LRP6: variants seen among roughly 807,000 people sequenced by gnomAD.
The protein encoded by LRP6 is LDL receptor related protein 6.
Under a neutral mutation model 184.1 loss-of-function variants are expected in LRP6, and 43 were observed. The observed-to-expected ratio is 0.23, with a 90% CI of 0.18 to 0.30. The LOEUF is 0.30. LRP6 is among the 10% of genes least tolerant of loss of function. The probability of loss-of-function intolerance (pLI) is 1.00; values close to 1 mark genes in which losing one functional copy is unlikely to be tolerated. For synonymous variants in LRP6, 719 were observed against 684.9 expected, an observed-to-expected ratio of 1.05 and a Z score of -0.78; for missense variants, 1,571 against 2,005.3, an observed-to-expected ratio of 0.78 and a Z score of 4.14.
intron 3 of LRP6, among the ~76,000 whole-genome samples, chr12:12,195,163 T>C (rs1370499183): frequency 2.0e-5 from 3 of 152,090 alleles, no homozygotes; most frequent in Admixed American, 1.3e-4. Context: ...GCAACAAACA[T>C]AGGGGTGCAG....
Position 12,228,798 on chromosome 12 carries a change from G to C in LRP6, c.449+15464C>G, listed in dbSNP as rs966183387. ...ACCCCGCTACTGCCCAGTGCCTGTGGAAAAACTGTCTTCCACAGAACCAGT... is the reference window on the plus strand; with the variant it reads ...ACCCCGCTACTGCCCAGTGCCTGTGCAAAAACTGTCTTCCACAGAACCAGT... On this transcript the variant is annotated intron_variant, in intron 2 of 22. Coordinates refer to ENST00000261349, the MANE Select transcript of LRP6 (RefSeq NM_002336.3). Among the ~76,000 whole-genome samples, 3 of 152,170 alleles carry C rather than the reference G, an allele frequency of 2.0e-5. 1 individual carries two copies. Among genetic ancestry groups the C allele is most frequent in the Non-Finnish European group, 2.9e-5 (2 of 68,036 alleles).
At chr12:12,183,934 A>C (rs748532521) in intron 5 of LRP6, 46 bp downstream of exon 5, 33 of 1,564,664 alleles carry the variant, frequency 2.1e-5, no homozygotes, top group Non-Finnish European at 2.8e-5. Flanking sequence ...ATCATGAAGA[A>C]TTCCAATAGT....
chr12:12,209,741 G>A (rs1160355027), intron 2 of LRP6, among the ~76,000 whole-genome samples: 2 of 152,110 alleles, frequency 1.3e-5, no homozygotes, highest in African/African-American at 2.4e-5. Context: ...ACCTATTAAA[G>A]CGGTGAGCAC....
chr12:12,143,007 A>C (rs1040467168), intron 15 of LRP6, among the ~76,000 whole-genome samples: 2 of 152,204 alleles, frequency 1.3e-5, no homozygotes, highest in Non-Finnish European at 2.9e-5. Flanking sequence ...TTATTTGAAG[A>C]AACATGATTC....
In LRP6 at chr12:12,194,043, G is replaced by A. The variant is rs74559068; in HGVS notation, c.648-6924C>T. ...GAAATGCAAGATCGGTTTAACAACT[G>A]AAAACCAATTACTGAAATTCACCAT... On this transcript the variant is annotated intron_variant, in intron 3 of 22. Transcript: ENST00000261349. 9.9e-4 allele frequency among the ~76,000 whole-genome samples: 151 copies of A among 151,990 alleles called. 1 individual carries two copies. The East Asian group carries it at 0.026, about 26-fold the overall frequency.
intron 15 of LRP6, among the ~76,000 whole-genome samples, chr12:12,146,538 A>T (rs997547899): frequency 6.6e-6 from 1 of 152,256 alleles, no homozygotes; most frequent in Non-Finnish European, 1.5e-5. Context: ...TGAAAGTAAA[A>T]GTATATCTTA....
chr12:12,131,397 C>T (rs1348260142), intron 18 of LRP6, among the ~76,000 whole-genome samples: 1 of 152,124 alleles, frequency 6.6e-6, no homozygotes, highest in Admixed American at 6.5e-5. Flanking sequence ...CGTGAGCCAC[C>T]ACGCCCGGCT....
intron 15 of LRP6, 111 bp downstream of exon 15, chr12:12,147,255 T>C: frequency 3.3e-6 from 4 of 1,197,632 alleles, no homozygotes; most frequent in Admixed American, 3.9e-5. Context: ...CTACATTTAA[T>C]GAATAAAACT....
intron 9 of LRP6, among the ~76,000 whole-genome samples, chr12:12,163,594 C>T (rs1862794863): frequency 6.6e-6 from 1 of 152,168 alleles, no homozygotes; most frequent in Admixed American, 6.5e-5. Context: ...CCTTTTCCGC[C>T]TCAGTCAGGC....
chr12:12,134,794 GAA>G (rs1949809797), intron 17 of LRP6, among the ~76,000 whole-genome samples: 3 of 152,210 alleles, frequency 2.0e-5, no homozygotes, highest in Admixed American at 2.0e-4. Context: ...TTCACAGGCT[GAA>G]AAGTGTGGTA....
In LRP6 at chr12:12,181,076, T is replaced by A; in HGVS notation, c.1340A>T (p.Glu447Val). 6.2e-7 allele frequency: 1 copy of A among 1,614,094 alleles called. No homozygotes were observed. Among genetic ancestry groups the A allele is most frequent in the Non-Finnish European group, 8.5e-7 (1 of 1,179,986 alleles). Residue 447 changes from glutamate (E) to valine (V), a missense_variant, in exon 6 of 23, where the codon GAA (glutamate) becomes GTA (valine). Physicochemically the swap from Glu to Val is moderately radical, Grantham distance 121. Coordinates refer to ENST00000261349, the MANE Select transcript of LRP6 (RefSeq NM_002336.3). ...RKILISEDLE[E>V]PRAIVLDPMV... ...GGGATCTAACACAATAGCCCGGGGTTCCTCTAAGTCCTCTGAAATCAAGAT... is the reference window on the plus strand; with the variant it reads ...GGGATCTAACACAATAGCCCGGGGTACCTCTAAGTCCTCTGAAATCAAGAT...
Position 12,266,950 on chromosome 12 carries a change from G to C in LRP6, c.-215C>G, listed in dbSNP as rs1225731677. 5.3e-6 allele frequency: 3 copies of C among 563,972 alleles called. No homozygotes were observed. Among genetic ancestry groups the C allele is most frequent in the African/African-American group, 2.0e-5 (1 of 49,574 alleles). 34.9% of individuals were successfully genotyped at this position (563,972 alleles called of 1,614,324 possible). On this transcript the variant is annotated 5_prime_UTR_variant, in exon 1 of 23. Transcript: ENST00000261349. ...GGCCCCGGGCTCGCGCGACGCCAGC[G>C]TCTGCTTCCATCCCGCCGCCTCCTC...
rs1863335878 is a variant in LRP6 at position 12,181,199 on chromosome 12, T to C, written c.1217A>G (p.Asp406Gly). 1 of 1,614,146 alleles carries C rather than the reference T, an allele frequency of 6.2e-7. No homozygotes were observed. The highest frequency in any genetic ancestry group is 1.3e-5 in the African/African-American group (1 of 75,034). Reference protein sequence around the residue: ...FVVTAQIAHPDGIAVDWVARN... With the variant: ...FVVTAQIAHPGGIAVDWVARN... ...TGCAACCCAGTCCACAGCAATACCA[T>C]CAGGATGGGCAATTTGAGCAGTGAC... The change falls in exon 6 of 23, where the codon GAT becomes GGT. Residue 406 changes from aspartate to glycine, a missense_variant. Around this residue, in one of 4 missense-constraint regions of LRP6, gnomAD observed 640 missense variants for 851.9 expected, o/e 0.75. Coordinates refer to ENST00000261349, the MANE Select transcript of LRP6 (RefSeq NM_002336.3).
chr12:12,238,133 T>A (rs906221729), intron 2 of LRP6, among the ~76,000 whole-genome samples: 1 of 151,536 alleles, frequency 6.6e-6, no homozygotes, highest in African/African-American at 2.4e-5. Flanking sequence ...TAAAATATAG[T>A]CACTGATATT....
At chr12:12,209,072 C>T (rs1362614347) in intron 2 of LRP6, among the ~76,000 whole-genome samples, 1 of 152,190 alleles carries the variant, frequency 6.6e-6, no homozygotes. Flanking sequence ...CTAATCTATA[C>T]TCTGCGCCGT....
chr12:12,153,262 T>C (rs1458754500), intron 12 of LRP6, among the ~76,000 whole-genome samples: 1 of 152,148 alleles, frequency 6.6e-6, no homozygotes, highest in Non-Finnish European at 1.5e-5. Context: ...GCTGAGGCAG[T>C]AGGATCACTT....
rs1565519506 is a variant in LRP6, at chr12:12,120,041, AT to A, written c.*1084del. 1.6e-3 allele frequency: 184 copies of A among 116,174 alleles called. 1 individual carries two copies. The highest frequency in any genetic ancestry group is 5.6e-3 in the African/African-American group (174 of 30,924). The allele number at this position is 116,174 out of a possible 1,614,324, so 7.2% of individuals were successfully genotyped here. On this transcript the variant is annotated 3_prime_UTR_variant, in exon 23 of 23. Transcript: ENST00000261349. ...TATATATATATATATATATATATAT[AT>A]AAATGATTTCGTACTGTGATATATG...
intron 10 of LRP6, among the ~76,000 whole-genome samples, chr12:12,161,555 G>C (rs374875318): frequency 2.6e-5 from 4 of 152,280 alleles, no homozygotes; most frequent in East Asian, 3.9e-4. Context: ...ACAAGCGTGA[G>C]CCACCACGCC....
chr12:12,141,667 G>A (rs1949935612), intron 15 of LRP6, among the ~76,000 whole-genome samples: 1 of 152,164 alleles, frequency 6.6e-6, no homozygotes, highest in Admixed American at 6.5e-5. Context: ...GCAGCAAGAT[G>A]ATGAAGAAAC....
Sources: allele counts gnomAD v4.1 joint callset (sites outside exome capture counted in the v4.1 genomes callset), GRCh38; gene constraint gnomAD v4.1.1; regional missense constraint gnomAD v4.1.1; transcripts MANE v1.5; gene names NCBI Gene and HGNC (gene_info 2026-07-23, HGNC 2026-07-21).